TDRD12: variants seen among roughly 807,000 people sequenced by gnomAD.
TDRD12 encodes tudor domain containing 12.
A neutral mutation model predicts 133.5 loss-of-function variants in TDRD12; 158 were observed. The ratio of observed to expected loss-of-function variants is 1.18; its 90% CI spans 1.04 to 1.35. The LOEUF (loss-of-function observed/expected upper bound fraction) is 1.35, where lower values mean the gene tolerates loss of function less well. Among genes scored for constraint, TDRD12 ranks in the 40% most tolerant of loss-of-function variants. The pLI, the probability that TDRD12 is intolerant of heterozygous loss-of-function variation, is 0.00. For missense variants in TDRD12, 1,443 were observed against 1,321.3 expected (o/e 1.09, Z -1.43); for synonymous variants, 460 against 477.9 (o/e 0.96, Z 0.49).
chr19:32,776,219 G>C (rs1180988745), intron 10 of TDRD12, among the ~76,000 whole-genome samples: 2 of 152,230 alleles, frequency 1.3e-5, no homozygotes, highest in African/African-American at 2.4e-5. Context: ...TTGGTGTGCA[G>C]TAATGTGGAA....
chr19:32,800,650 C>G, exon 18 of TDRD12: 1 of 1,534,586 alleles, frequency 6.5e-7, no homozygotes, highest in Non-Finnish European at 8.7e-7. Flanking sequence ...CCAGGTAGTA[C>G]ATCTTTGCCT....
chr19:32,802,705 T>A lies in TDRD12; in HGVS notation c.2247T>A (p.Cys749Ter). ...TCTTGGCCATCACCGATGCCACGTG[T>A]GTGATTCACTTCAGTTTCCCTGCCT... The change falls in exon 20 of 28, where the codon TGT (cysteine) becomes TGA (stop). Residue 749 changes from cysteine to a stop codon, truncating the protein, a stop_gained. Transcript: ENST00000444215. LOFTEE classifies it high-confidence loss of function. The A allele has an allele frequency of 6.5e-7, 1 of 1,536,372 alleles. No individual in the cohort carries two copies. The highest frequency in any genetic ancestry group is 8.7e-7 in the Non-Finnish European group (1 of 1,146,946).
rs1967144825 is a variant in TDRD12 at position 32,815,429 on chromosome 19, A to G, written c.3142-19A>G. Reference sequence around the variant, plus strand: ...TCAGAGTGATTACTGCTAATGTTCAATTTTTTCATTGATTCAAGGTGCACA... The same window carrying G: ...TCAGAGTGATTACTGCTAATGTTCAGTTTTTTCATTGATTCAAGGTGCACA... On this transcript the variant is annotated intron_variant, in intron 25 of 27. Coordinates refer to ENST00000444215, the Ensembl canonical transcript of TDRD12. 6.6e-7 allele frequency: 1 copy of G among 1,525,824 alleles called. No homozygotes were observed. Among genetic ancestry groups the G allele is most frequent in the Non-Finnish European group, 8.8e-7 (1 of 1,140,124 alleles). The allele number at this position is 1,525,824 out of a possible 1,614,324, so 94.5% of individuals were successfully genotyped here.
intron 1 of TDRD12, among the ~76,000 whole-genome samples, chr19:32,723,529 A>G (rs529738308): frequency 3.9e-5 from 6 of 152,076 alleles, no homozygotes; most frequent in Non-Finnish European, 7.4e-5. Context: ...GATTACAAGC[A>G]TGAGCCACCG....
In TDRD12 at chr19:32,731,627, C is replaced by T. The variant is rs962598452; in HGVS notation, c.25-98C>T. ...GGCATTTGTCAAGAATTTGTTAGGT[C>T]ACTTAAATTAGAAACAGTAATCGTG... is the stretch of plus-strand genomic sequence containing the variant. On this transcript the variant is annotated intron_variant, in intron 1 of 27. Transcript: ENST00000444215. The T allele has an allele frequency of 3.6e-6, 4 of 1,119,498 alleles. No individual in the cohort carries two copies. The African/African-American group carries it at 6.4e-5, about 18-fold the overall frequency. The allele number at this position is 1,119,498 out of a possible 1,614,324, so 69.3% of individuals were successfully genotyped here. A position where few individuals can be genotyped will look rare whatever the true frequency, so the allele number is the denominator to read the frequency against.
intron 10 of TDRD12, among the ~76,000 whole-genome samples, chr19:32,774,895 T>C (rs1970537674): frequency 6.6e-6 from 1 of 151,756 alleles, no homozygotes; most frequent in Non-Finnish European, 1.5e-5. Flanking sequence ...AGAGGCATGA[T>C]AATTGCTTGA....
At chr19:32,745,162 C>T (rs1398656871) in intron 4 of TDRD12, among the ~76,000 whole-genome samples, 4 of 152,246 alleles carry the variant, frequency 2.6e-5, no homozygotes, top group African/African-American at 7.2e-5. Flanking sequence ...CAGAGCGGCC[C>T]ACTGCCCACC....
At chr19:32,724,474 G>A (rs1172274237) in intron 1 of TDRD12, among the ~76,000 whole-genome samples, 1 of 152,130 alleles carries the variant, frequency 6.6e-6, no homozygotes, top group Non-Finnish European at 1.5e-5. Context: ...AACATACGGT[G>A]TTTGGTTTTC....
rs559964453 is a variant in TDRD12 at position 32,748,075 on chromosome 19, C to T, written c.441-401C>T. On this transcript the variant is annotated intron_variant, in intron 4 of 27. Transcript: ENST00000444215. ...CTCCCATGACTGCCTGTGAGGGTGT[C>T]GGTGTACCAGCATGTGTCGCGCCCT... 9.2e-5 allele frequency among the ~76,000 whole-genome samples: 14 copies of T among 152,182 alleles called. No individual in the cohort carries two copies. In the South Asian group the frequency reaches 1.7e-3, roughly 18 times the overall value.
At chr19:32,821,409 T>TGTGTGC (rs764198087), downstream of TDRD12, 7 of 139,186 alleles carry the variant, frequency 5.0e-5, no homozygotes, top group Non-Finnish European at 7.7e-5. Context: ...TGTGTGTGTG[T>TGTGTGC]GCGTGTGAAC....
Position 32,756,188 on chromosome 19 carries a change from A to G in TDRD12, c.772+7A>G. Reference sequence around the variant, plus strand: ...GATGTTCAAGGAATGGAAGGTGAGTAGATTCTCATCATATCAATTTCCCTT... The same window carrying G: ...GATGTTCAAGGAATGGAAGGTGAGTGGATTCTCATCATATCAATTTCCCTT... On this transcript the variant is annotated splice_region_variant and intron_variant, in intron 7 of 27. Transcript: ENST00000444215. The G allele has an allele frequency of 7.1e-7, 1 of 1,411,126 alleles. No individual in the cohort carries two copies. Among genetic ancestry groups the G allele is most frequent in the Non-Finnish European group, 9.2e-7 (1 of 1,085,530 alleles). The allele number at this position is 1,411,126 out of a possible 1,614,324, so 87.4% of individuals were successfully genotyped here.
intron 26 of TDRD12, among the ~76,000 whole-genome samples, chr19:32,817,165 AG>A (rs1967208080): frequency 2.6e-5 from 4 of 152,218 alleles, no homozygotes; most frequent in African/African-American, 7.2e-5. Context: ...ACTCTTTTTA[AG>A]TGTACAATTC....
At chr19:32,753,345 A>G (rs866936106) in intron 6 of TDRD12, among the ~76,000 whole-genome samples, 1 of 152,292 alleles carries the variant, frequency 6.6e-6, no homozygotes, top group South Asian at 2.1e-4. Flanking sequence ...CATAGGGTTC[A>G]TTCTTACCCT....
rs189270205 is a variant in TDRD12 at position 32,779,808 on chromosome 19, C to T, written c.1121+2579C>T. Among the ~76,000 whole-genome samples the T allele has an allele frequency of 9.4e-4, 143 of 152,148 alleles. 1 individual carries two copies. The highest frequency in any genetic ancestry group is 2.6e-4 in the Non-Finnish European group (18 of 68,002). ...TTTGACAATGCAGCCATATGTGCTGCGGGGAGTACTTTCATAACTGGTTAA... is the reference window on the plus strand; with the variant it reads ...TTTGACAATGCAGCCATATGTGCTGTGGGGAGTACTTTCATAACTGGTTAA... On this transcript the variant is annotated intron_variant, in intron 11 of 27. Transcript: ENST00000444215.
At chr19:32,721,842 G>A (rs186691876) in intron 1 of TDRD12, among the ~76,000 whole-genome samples, 2 of 151,542 alleles carry the variant, frequency 1.3e-5, no homozygotes, top group Admixed American at 1.3e-4. Flanking sequence ...CAAGTAGCTG[G>A]GACTACAGGC....
chr19:32,826,125 C>T, downstream of TDRD12: 3 of 1,535,798 alleles, frequency 2.0e-6, no homozygotes, highest in Non-Finnish European at 2.6e-6. Flanking sequence ...ACTGAAGGTG[C>T]CTTCATTAGC....
intron 2 of TDRD12, among the ~76,000 whole-genome samples, chr19:32,736,215 T>C (rs1322200879): frequency 2.0e-5 from 3 of 152,170 alleles, no homozygotes; most frequent in Non-Finnish European, 4.4e-5. Flanking sequence ...ATTTTAAGCT[T>C]ACTGTTGAGA....
At chr19:32,813,412 T>C (rs1967071744) in intron 24 of TDRD12, among the ~76,000 whole-genome samples, 1 of 151,982 alleles carries the variant, frequency 6.6e-6, no homozygotes, top group Admixed American at 6.6e-5. Context: ...CAGAAGAAAA[T>C]GTACAGTGTT....
At chr19:32,798,313 G>T (rs1971289076) in exon 16 of TDRD12, 2 of 1,529,676 alleles carry the variant, frequency 1.3e-6, no homozygotes, top group Non-Finnish European at 1.8e-6. Flanking sequence ...TGCAGGTGAT[G>T]TGATTGTTAC....
Sources: gnomAD v4.1 joint callset for allele counts (sites outside exome capture counted in the v4.1 genomes callset) on GRCh38, gnomAD v4.1.1 for gene constraint, MANE v1.5 for transcripts, NCBI Gene and HGNC (gene_info 2026-07-23, HGNC 2026-07-21) for gene names.